The following ZNF808 variants were observed in gnomAD, a reference collection of about 807,000 sequenced individuals.
ZNF808 encodes zinc finger protein 808.
Under a neutral mutation model 8.7 loss-of-function variants are expected in ZNF808, and 5 were observed. The observed-to-expected ratio is 0.58, with a 90% CI of 0.30 to 1.21. The LOEUF (loss-of-function observed/expected upper bound fraction) is 1.21, where lower values mean the gene tolerates loss of function less well. ZNF808 is among the 50% of genes most tolerant of loss of function. The pLI is 0.07. For missense variants in ZNF808, 1,103 were observed against 1,098.4 expected (o/e 1.00, Z -0.06); for synonymous variants, 380 against 366.0 (o/e 1.04, Z -0.44).
chr19:52,528,886 G>A (rs539868679), intron 1 of ZNF808, among the ~76,000 whole-genome samples: 2 of 152,162 alleles, frequency 1.3e-5, no homozygotes, highest in East Asian at 3.9e-4. Flanking sequence ...GCAATAAGAG[G>A]TTAAATAAGT....
chr19:52,540,946 T>TTGTG lies in ZNF808; in HGVS notation c.-19-2317_-19-2316insGTGT, dbSNP rs2059664087. Among the ~76,000 whole-genome samples, 2 of 152,050 alleles carry TTGTG rather than the reference T, an allele frequency of 1.3e-5. 1 individual carries two copies. The highest frequency in any genetic ancestry group is 4.2e-4 in the South Asian group (2 of 4,810). ...GGTATATAAGATGGTCCTGGAATTTTTGTTTGTTTGTTTGTTTTTCTTTGA... is the reference window on the plus strand; with the variant it reads ...GGTATATAAGATGGTCCTGGAATTTTTGTGTGTTTGTTTGTTTGTTTTTCTTTGA... On this transcript the variant is annotated intron_variant, in intron 2 of 4. Coordinates refer to ENST00000359798, the MANE Select transcript of ZNF808 (RefSeq NM_001039886.4).
intron 4 of ZNF808, among the ~76,000 whole-genome samples, chr19:52,552,686 A>G (rs1568488285): frequency 6.9e-6 from 1 of 145,926 alleles, no homozygotes; most frequent in Non-Finnish European, 1.5e-5. Flanking sequence ...TTATTTACCA[A>G]TATAGTATGT....
Position 52,555,629 on chromosome 19 carries a change from T to C in ZNF808, c.*1T>C, listed in dbSNP as rs1241129889. ...TCATGGTATAGGGAAATTTGATTAATATAATGATTGTCACAAAGTCTTCAG... is the reference window on the plus strand; with the variant it reads ...TCATGGTATAGGGAAATTTGATTAACATAATGATTGTCACAAAGTCTTCAG... On this transcript the variant is annotated 3_prime_UTR_variant, in exon 5 of 5. Transcript: ENST00000359798. 3 of 1,591,348 alleles carry C rather than the reference T, an allele frequency of 1.9e-6. No individual in the cohort carries two copies. Among genetic ancestry groups the C allele is most frequent in the Middle Eastern group, 3.4e-4 (2 of 5,918 alleles).
chr19:52,538,445 C>G (rs1231454443), intron 2 of ZNF808, among the ~76,000 whole-genome samples: 3 of 150,594 alleles, frequency 2.0e-5, no homozygotes, highest in Non-Finnish European at 4.4e-5. Flanking sequence ...AGAGTTGAAG[C>G]GATTCTCCTG....
intron 2 of ZNF808, among the ~76,000 whole-genome samples, chr19:52,538,096 G>A (rs1047839287): frequency 3.9e-5 from 6 of 152,018 alleles, no homozygotes; most frequent in African/African-American, 1.4e-4. Flanking sequence ...CTGCAGCCTC[G>A]ACCTCTTAGG....
chr19:52,560,077 T>G (rs1037830590), downstream of ZNF808, among the ~76,000 whole-genome samples: 3 of 152,220 alleles, frequency 2.0e-5, no homozygotes, highest in Non-Finnish European at 4.4e-5. Flanking sequence ...GGCTCACGCC[T>G]GTAATCCCAG....
downstream of ZNF808, among the ~76,000 whole-genome samples, chr19:52,566,008 A>T (rs1236935658): frequency 1.3e-5 from 2 of 152,212 alleles, no homozygotes; most frequent in Non-Finnish European, 2.9e-5. Flanking sequence ...AACACAGAAA[A>T]GATCAAGATA....
chr19:52,539,545 GTGGTTTTTTTTTTT>G (rs1203407173), intron 2 of ZNF808, among the ~76,000 whole-genome samples: 1 of 84,238 alleles, frequency 1.2e-5, no homozygotes, highest in Non-Finnish European at 2.3e-5. Flanking sequence ...TTTTGTTGTG[GTGGTTTTTTTTTTT>G]TTTTTTTTTT....
intron 4 of ZNF808, among the ~76,000 whole-genome samples, chr19:52,551,690 A>C (rs1003577660): frequency 2.0e-4 from 30 of 152,260 alleles, no homozygotes; most frequent in African/African-American, 6.5e-4. Flanking sequence ...AATATAACTG[A>C]CACACTGCAC....
chr19:52,540,472 C>T (rs1346331639), intron 2 of ZNF808, among the ~76,000 whole-genome samples: 1 of 152,080 alleles, frequency 6.6e-6, no homozygotes, highest in Non-Finnish European at 1.5e-5. Context: ...ATATCGAAAA[C>T]ATTTTCTACT....
intron 2 of ZNF808, among the ~76,000 whole-genome samples, chr19:52,539,839 C>T (rs606914): frequency 0.33 from 49,405 of 151,374 alleles, 8,734 homozygotes; most frequent in East Asian, 0.52. Context: ...AGGTATGAGC[C>T]GCTGCGCCCG....
At chr19:52,564,433 AT>A in exon 4 of ZNF808, 2 of 280,662 alleles carry the variant, frequency 7.1e-6, no homozygotes, top group South Asian at 7.4e-5. Flanking sequence ...CAAAAAAAAA[AT>A]TTTAATGACA....
intron 2 of ZNF808, among the ~76,000 whole-genome samples, chr19:52,539,216 T>A (rs2059644704): frequency 1.4e-5 from 2 of 140,654 alleles, no homozygotes; most frequent in African/African-American, 2.7e-5. Flanking sequence ...ATTTTTGAGA[T>A]GGAGTCTCTC....
chr19:52,554,183 G>A lies in ZNF808; in HGVS notation c.1267G>A (p.Gly423Arg). 1 of 1,614,078 alleles carries A rather than the reference G, an allele frequency of 6.2e-7. No individual in the cohort carries two copies. Residue 423 changes from glycine (G) to arginine (R), a missense_variant, in exon 5 of 5, where the codon GGA becomes AGA. Coordinates refer to ENST00000359798, the MANE Select transcript of ZNF808 (RefSeq NM_001039886.4). ...SLARHHILHT[G>R]EKPYKCEECD... is the part of the protein sequence containing the mutation. The stretch of plus-strand genomic sequence containing the variant: ...TGCACGTCATCATATACTTCATACT[G>A]GAGAGAAACCTTACAAATGTGAAGA...
downstream of ZNF808, among the ~76,000 whole-genome samples, chr19:52,567,504 ATT>A (rs1214072212): frequency 3.1e-4 from 39 of 125,796 alleles, 1 homozygote; most frequent in South Asian, 8.8e-3. Context: ...TATTATTATT[ATT>A]ATTATTATTA....
chr19:52,548,026 A>G (rs2059740488), intron 4 of ZNF808, among the ~76,000 whole-genome samples: 1 of 152,148 alleles, frequency 6.6e-6, no homozygotes, highest in Non-Finnish European at 1.5e-5. Flanking sequence ...GGCGTGAGCC[A>G]CCATGCCCAG....
chr19:52,555,206 A>G lies in ZNF808; in HGVS notation c.2290A>G (p.Lys764Glu), dbSNP rs568749349. The change falls in exon 5 of 5, where the codon AAG becomes GAG. Residue 764 changes from lysine to glutamate, a missense_variant. Physicochemically the swap from Lys to Glu is moderately conservative, Grantham distance 56. Transcript: ENST00000359798. ...ACTTCATAGTGGTGAGAAACCTTAC[A>G]AGTGTAACGACTGTGGCAATACCTT... ...RRLHSGEKPY[K>E]CNDCGNTFRH... is the part of the protein sequence containing the mutation. 2 of 1,614,044 alleles carry G rather than the reference A, an allele frequency of 1.2e-6. No homozygotes were observed. The highest frequency in any genetic ancestry group is 2.2e-5 in the South Asian group (2 of 91,072).
Position 52,555,234 on chromosome 19 carries a change from G to A in ZNF808, c.2318G>A (p.Arg773His), listed in dbSNP as rs267605638. Residue 773 changes from arginine to histidine, a missense_variant, in exon 5 of 5, where the codon CGT becomes CAT. Coordinates refer to ENST00000359798, the MANE Select transcript of ZNF808 (RefSeq NM_001039886.4). Reference protein sequence around the residue: ...YKCNDCGNTFRHWSSLVYHRR... With the variant: ...YKCNDCGNTFHHWSSLVYHRR... Reference sequence around the variant, plus strand: ...TGTAACGACTGTGGCAATACCTTCCGTCACTGGTCATCCCTTGTATACCAT... The same window carrying A: ...TGTAACGACTGTGGCAATACCTTCCATCACTGGTCATCCCTTGTATACCAT... 9.9e-6 allele frequency: 16 copies of A among 1,613,938 alleles called. No individual in the cohort carries two copies. The highest frequency in any genetic ancestry group is 6.6e-5 in the South Asian group (6 of 91,074).
At chr19:52,548,326 A>G (rs1335636443) in intron 4 of ZNF808, among the ~76,000 whole-genome samples, 3 of 152,298 alleles carry the variant, frequency 2.0e-5, no homozygotes, top group East Asian at 1.9e-4. Flanking sequence ...GTTTTCATCA[A>G]TCTTATTGAG....
Sources: gnomAD v4.1 joint callset for allele counts (sites outside exome capture counted in the v4.1 genomes callset) on GRCh38, gnomAD v4.1.1 for gene constraint, MANE v1.5 for transcripts, NCBI Gene and HGNC (gene_info 2026-07-23, HGNC 2026-07-21) for gene names.